Variants in DHX29 observed in about 807,000 individuals in gnomAD.
DHX29 encodes the protein ATP-dependent RNA helicase DHX29.
Under a neutral mutation model 167.9 loss-of-function variants are expected in DHX29, and 79 were observed. The observed-to-expected ratio is 0.47, with a 90% CI of 0.39 to 0.57. The LOEUF is 0.57. Ranked by LOEUF, DHX29 falls within the 20% of genes least tolerant of loss-of-function variation. DHX29 has a pLI of 0.00. For synonymous variants in DHX29, 530 were observed against 546.0 expected, an observed-to-expected ratio of 0.97 and a Z score of 0.41; for missense variants, 1,347 against 1,593.4, an observed-to-expected ratio of 0.85 and a Z score of 2.63.
intron 11 of DHX29, among the ~76,000 whole-genome samples, chr5:55,282,005 C>T (rs13189825): frequency 0.057 from 8,714 of 151,892 alleles, 449 homozygotes; most frequent in Admixed American, 0.12. Context: ...AGGCTGGCCT[C>T]GAACTCCTGA....
At position 55,283,790 on chromosome 5, in the gene DHX29, G is replaced by A. The variant is rs547772650; in HGVS notation, c.1378C>T (p.Pro460Ser). The change falls in exon 11 of 27, where the codon CCC becomes TCC. Residue 460 changes from proline to serine, a missense_variant. This residue lies in a region of DHX29 where 882 missense variants were observed against 1,082.4 expected (regional missense o/e 0.81). Coordinates refer to ENST00000251636, the MANE Select transcript of DHX29 (RefSeq NM_019030.4). ...TCCAGCCAAACATCTCGGTAAGTGGGAGGAAGTAACTGATGAACTGACTAA... is the reference window on the plus strand; with the variant it reads ...TCCAGCCAAACATCTCGGTAAGTGGAAGGAAGTAACTGATGAACTGACTAA... ...KGQSVHQLLP[P>S]TYRDVWLEWS... 2 of 1,602,294 alleles carry A rather than the reference G, an allele frequency of 1.2e-6. No homozygotes were observed. The highest frequency in any genetic ancestry group is 8.5e-7 in the Non-Finnish European group (1 of 1,175,324).
Position 55,270,564 on chromosome 5 carries a change from G to A in DHX29, c.2993+14C>T, listed in dbSNP as rs1746803445. The A allele has an allele frequency of 1.9e-6, 3 of 1,614,066 alleles. No homozygotes were observed. The highest frequency in any genetic ancestry group is 2.5e-6 in the Non-Finnish European group (3 of 1,179,998). ...CTGGTTTATGTGTTTTACATTTCCA[G>A]TGCTATGCCATACCTTTCTCTTGTG... is the stretch of plus-strand genomic sequence containing the variant. On this transcript the variant is annotated intron_variant, in intron 19 of 26. Coordinates refer to ENST00000251636, the MANE Select transcript of DHX29 (RefSeq NM_019030.4).
In DHX29 at chr5:55,269,419, G is replaced by A. The variant is rs1579763335; in HGVS notation, c.3288C>T (p.Asp1096=). 4 of 1,612,386 alleles carry A rather than the reference G, an allele frequency of 2.5e-6. No individual in the cohort carries two copies. Among genetic ancestry groups the A allele is most frequent in the Non-Finnish European group, 3.4e-6 (4 of 1,179,902 alleles). ...GCAGCATTGTTTGACTTACCACTGG[G>A]TCAAGGCAGCCAAATATGGCACCAA... ...LIFGAIFGCL[D]PVATLAAVMT... is the part of the protein sequence containing the mutation. Residue 1096 remains aspartate (D), a synonymous_variant, in exon 21 of 27, where the codon GAC becomes GAT. Coordinates refer to ENST00000251636, the MANE Select transcript of DHX29 (RefSeq NM_019030.4).
chr5:55,296,407 T>TG (rs756882152), intron 3 of DHX29, 58 bp from the exon 4 acceptor site: 7 of 1,529,944 alleles, frequency 4.6e-6, no homozygotes, highest in Non-Finnish European at 3.5e-6. Flanking sequence ...CCTGTGTTAC[T>TG]AATTATCCCA....
chr5:55,294,873 A>G (rs750011422), intron 5 of DHX29: 2 of 153,714 alleles, frequency 1.3e-5, no homozygotes, highest in Non-Finnish European at 2.9e-5. Flanking sequence ...TACTTCAGTC[A>G]ATGGGACATT....
chr5:55,285,932 T>G, intron 8 of DHX29, 71 bp from the exon 9 acceptor site: 1 of 1,273,434 alleles, frequency 7.9e-7, no homozygotes, highest in South Asian at 1.7e-5. Context: ...CAAAGTCCTC[T>G]CTTGCTTTGG....
chr5:55,305,639 G>C (rs1748822662), intron 1 of DHX29, among the ~76,000 whole-genome samples: 1 of 152,180 alleles, frequency 6.6e-6, no homozygotes, highest in African/African-American at 2.4e-5. Flanking sequence ...AGACTTCGTT[G>C]CTACTCCAGG....
At chr5:55,268,670 T>C (rs1746700404) in intron 21 of DHX29, among the ~76,000 whole-genome samples, 1 of 152,136 alleles carries the variant, frequency 6.6e-6, no homozygotes, top group African/African-American at 2.4e-5. Context: ...AAATAGCCTT[T>C]ATTGGTAATC....
chr5:55,261,277 T>C (rs1003440277), intron 25 of DHX29, 91 bp downstream of exon 25: 20 of 616,524 alleles, frequency 3.2e-5, no homozygotes, highest in Non-Finnish European at 5.6e-6. Flanking sequence ...GAAGAAATTA[T>C]GCAAACTCCA....
Position 55,256,575 on chromosome 5 carries a change from T to G in DHX29, c.4058-35A>C. On this transcript the variant is annotated intron_variant, in intron 26 of 26. Coordinates refer to ENST00000251636, the MANE Select transcript of DHX29 (RefSeq NM_019030.4). ...AGGAAAAAAAAAAGCCACGAATAAA[T>G]GCAACATTGTCTAATTTTCCAAGGT... The G allele has an allele frequency of 3.8e-6, 6 of 1,564,582 alleles. No individual in the cohort carries two copies. The South Asian group carries it at 7.2e-5, about 19-fold the overall frequency.
At position 55,283,417 on chromosome 5, in the gene DHX29, G is replaced by A. The variant is rs751716607; in HGVS notation, c.1751C>T (p.Thr584Ile). 2 of 1,614,146 alleles carry A rather than the reference G, an allele frequency of 1.2e-6. No individual in the cohort carries two copies. The highest frequency in any genetic ancestry group is 4.5e-5 in the East Asian group (2 of 44,876). ...VFKHRDSIVE[T>I]LKRHRVVVVA... ...AACCACTACCCGATGCCTTTTAAGA[G>A]TTTCAACAATTGAGTCCCGATGTTT... Residue 584 changes from threonine (T) to isoleucine (I), a missense_variant, in exon 11 of 27, where the codon ACT (threonine) becomes ATT (isoleucine). Around this residue, in one of 3 missense-constraint regions of DHX29, gnomAD observed 882 missense variants for 1,082.4 expected, o/e 0.81. Transcript: ENST00000251636.
chr5:55,270,262 T>C, intron 20 of DHX29, 150 bp downstream of exon 20: 1 of 885,852 alleles, frequency 1.1e-6, no homozygotes. Context: ...ACAGTGGATT[T>C]ACTTATAATA....
Position 55,296,255 on chromosome 5 carries a change from G to C in DHX29, c.470C>G (p.Ser157Cys). The change falls in exon 4 of 27, where the codon TCT becomes TGT. Residue 157 changes from serine (S) to cysteine (C), a missense_variant. Transcript: ENST00000251636. ...NTLLYGGDLHSALDWLCLNLS... is the reference protein window; with the variant it reads ...NTLLYGGDLHCALDWLCLNLS... ...GTTTAAACAGAGCCAATCCAAGGCA[G>C]AATGAAGGTCACCTCCATATAAGAG... 1 of 1,613,432 alleles carries C rather than the reference G, an allele frequency of 6.2e-7. No homozygotes were observed. The highest frequency in any genetic ancestry group is 8.5e-7 in the Non-Finnish European group (1 of 1,179,640).
chr5:55,279,738 GTT>G (rs550132982), intron 12 of DHX29: 20 of 110,968 alleles, frequency 1.8e-4, no homozygotes, highest in East Asian at 3.6e-4. Flanking sequence ...TGCTGTTTTT[GTT>G]TTTTTTTTTT....
intron 23 of DHX29, 64 bp from the exon 24 acceptor site, chr5:55,262,996 T>G (rs1746383789): frequency 2.4e-6 from 3 of 1,274,068 alleles, no homozygotes; most frequent in Non-Finnish European, 3.3e-6. Flanking sequence ...CAAATAACAT[T>G]GTAGTTTATA....
intron 24 of DHX29, among the ~76,000 whole-genome samples, chr5:55,262,179 T>C (rs984606690): frequency 3.9e-5 from 6 of 152,206 alleles, no homozygotes; most frequent in South Asian, 2.1e-4. Context: ...GTTGTTTTCA[T>C]TGTAATCTAT....
At chr5:55,272,060 G>T in intron 18 of DHX29, 27 bp downstream of exon 18, 1 of 1,371,144 alleles carries the variant, frequency 7.3e-7, no homozygotes, top group South Asian at 1.3e-5. Context: ...GGTTAAAAAT[G>T]TTTTGATTTG....
At chr5:55,295,139 A>C in intron 5 of DHX29, 1 of 365,904 alleles carries the variant, frequency 2.7e-6, no homozygotes, top group Non-Finnish European at 4.9e-6. Context: ...CCGAAGAAAC[A>C]CCTTGCTGAG....
At chr5:55,286,229 G>A (rs897630219) in intron 8 of DHX29, among the ~76,000 whole-genome samples, 8 of 151,468 alleles carry the variant, frequency 5.3e-5, no homozygotes, top group African/African-American at 1.9e-4. Context: ...ACTACAGCCT[G>A]GGTGACAGAG....
Sources: gnomAD v4.1 joint callset for allele counts (sites outside exome capture counted in the v4.1 genomes callset) on GRCh38, gnomAD v4.1.1 for gene constraint, gnomAD v4.1.1 regional missense constraint, MANE v1.5 for transcripts, NCBI Gene and HGNC (gene_info 2026-07-23, HGNC 2026-07-21) for gene names.